Variants in B3GALT1 observed in about 807,000 individuals in gnomAD.
The protein encoded by B3GALT1 is beta-1,3-galactosyltransferase 1, also known as UDP-Gal:betaGlcNAc beta 1,3-galactosyltransferase, polypeptide 1.
Under a neutral mutation model 23.2 loss-of-function variants are expected in B3GALT1, and 10 were observed. The observed-to-expected ratio is 0.43, with a 90% confidence interval of 0.27 to 0.73. The LOEUF (loss-of-function observed/expected upper bound fraction) is 0.73. Among genes scored for constraint, B3GALT1 ranks in the 30% least tolerant of loss-of-function variants. The probability of loss-of-function intolerance (pLI) is 0.21; values close to 1 mark genes in which losing one functional copy is unlikely to be tolerated. For synonymous variants in B3GALT1, 156 were observed against 141.5 expected (o/e 1.10, Z -0.73); for missense variants, 299 against 405.4 (o/e 0.74, Z 2.25).
chr2:167,387,135 A>C (rs1200848727), intron 1 of B3GALT1, among the ~76,000 whole-genome samples: 2 of 152,222 alleles, frequency 1.3e-5, no homozygotes, highest in Admixed American at 1.3e-4. Flanking sequence ...AATTCTGCCA[A>C]GAGAGGGCAT....
At chr2:167,850,530 A>G (rs1310269596) in intron 4 of B3GALT1, among the ~76,000 whole-genome samples, 1 of 152,224 alleles carries the variant, frequency 6.6e-6, no homozygotes, top group Non-Finnish European at 1.5e-5. Context: ...TTGATCCAGC[A>G]ATTCTACTAC....
chr2:167,550,141 C>T (rs116684456), intron 2 of B3GALT1, among the ~76,000 whole-genome samples: 193 of 152,312 alleles, frequency 1.3e-3, no homozygotes, highest in African/African-American at 4.3e-3. Flanking sequence ...TCCTTCTCAT[C>T]TCTTTGCATT....
intron 4 of B3GALT1, among the ~76,000 whole-genome samples, chr2:167,824,592 C>T (rs1377729495): frequency 7.9e-5 from 12 of 152,216 alleles, no homozygotes; most frequent in Admixed American, 7.9e-4. Flanking sequence ...CCCTCCAGGG[C>T]TCATGGCTTG....
chr2:167,346,747 G>GT (rs1553513693), intron 1 of B3GALT1, among the ~76,000 whole-genome samples: 100 of 6,300 alleles, frequency 0.016, 1 homozygote, highest in East Asian at 0.073. Flanking sequence ...TGTGTGTGTG[G>GT]GGGGGGGGTG....
At chr2:167,385,465 A>G (rs1463012603) in intron 1 of B3GALT1, among the ~76,000 whole-genome samples, 3 of 151,798 alleles carry the variant, frequency 2.0e-5, no homozygotes, top group Non-Finnish European at 4.4e-5. Flanking sequence ...GCACTAATAG[A>G]GTACCCATTA....
chr2:167,640,719 G>A lies in B3GALT1; in HGVS notation c.-409-6190G>A, dbSNP rs188076756. ...CACTCTAAAAAATGAGGCATATTTC[G>A]CAGGAAAATTCTTGACTTCTGGCTT... On this transcript the variant is annotated intron_variant, in intron 2 of 4. Coordinates refer to ENST00000392690, the MANE Select transcript of B3GALT1 (RefSeq NM_020981.4). Among the ~76,000 whole-genome samples the A allele has an allele frequency of 5.3e-5, 8 of 152,084 alleles. No individual in the cohort carries two copies. In the South Asian group the frequency reaches 6.2e-4, roughly 12 times the overall value.
chr2:167,752,787 C>T (rs1054115508), intron 3 of B3GALT1, among the ~76,000 whole-genome samples: 1 of 152,200 alleles, frequency 6.6e-6, no homozygotes, highest in African/African-American at 2.4e-5. Context: ...CCTTTAGTCA[C>T]ATCACTCTTT....
At chr2:167,779,665 G>C (rs1688216212) in intron 3 of B3GALT1, among the ~76,000 whole-genome samples, 1 of 152,134 alleles carries the variant, frequency 6.6e-6, no homozygotes, top group Non-Finnish European at 1.5e-5. Context: ...GTAGGTACTG[G>C]TCATTTTATT....
At chr2:167,815,268 C>T (rs911035524) in intron 3 of B3GALT1, 5 of 152,218 alleles carry the variant, frequency 3.3e-5, no homozygotes, top group African/African-American at 1.2e-4. Context: ...AGTTCATGAT[C>T]ATTGAAAAAT....
At chr2:167,772,544 C>T (rs925417656) in intron 3 of B3GALT1, among the ~76,000 whole-genome samples, 2 of 152,148 alleles carry the variant, frequency 1.3e-5, no homozygotes, top group African/African-American at 4.8e-5. Context: ...CACCTTACCC[C>T]ACATGGTTTA....
intron 1 of B3GALT1, among the ~76,000 whole-genome samples, chr2:167,448,228 A>G (rs1478943763): frequency 3.3e-5 from 5 of 152,118 alleles, no homozygotes; most frequent in Non-Finnish European, 7.3e-5. Flanking sequence ...GTACTAGTTT[A>G]CATTCCTACC....
intron 2 of B3GALT1, among the ~76,000 whole-genome samples, chr2:167,565,737 G>C (rs1482056489): frequency 6.6e-6 from 1 of 152,126 alleles, no homozygotes; most frequent in South Asian, 2.1e-4. Context: ...GCAGCCAAAA[G>C]GCACATGAAA....
intron 3 of B3GALT1, among the ~76,000 whole-genome samples, chr2:167,722,585 T>TA (rs1308626852): frequency 2.6e-5 from 4 of 152,244 alleles, no homozygotes; most frequent in Non-Finnish European, 5.9e-5. Flanking sequence ...TGCGTATCCT[T>TA]AATACCACTG....
chr2:167,418,075 A>G (rs1366377943), intron 1 of B3GALT1, among the ~76,000 whole-genome samples: 5 of 152,198 alleles, frequency 3.3e-5, no homozygotes, highest in African/African-American at 4.8e-5. Flanking sequence ...TAGAGATTGC[A>G]TGTGACTTTT....
intron 1 of B3GALT1, among the ~76,000 whole-genome samples, chr2:167,339,689 C>T (rs1208113993): frequency 1.3e-5 from 2 of 151,740 alleles, no homozygotes; most frequent in Non-Finnish European, 2.9e-5. Flanking sequence ...GTTAGGTAAC[C>T]GAAATTGAAA....
At chr2:167,544,958 G>A (rs1246813564) in intron 2 of B3GALT1, among the ~76,000 whole-genome samples, 1 of 143,252 alleles carries the variant, frequency 7.0e-6, no homozygotes, top group African/African-American at 2.6e-5. Flanking sequence ...AAAGTAAAAT[G>A]AAAAAGAAAG....
At chr2:167,481,257 C>T (rs1315657519) in intron 1 of B3GALT1, among the ~76,000 whole-genome samples, 1 of 152,042 alleles carries the variant, frequency 6.6e-6, no homozygotes, top group African/African-American at 2.4e-5. Context: ...AAATTCTTCA[C>T]TTAGTTTAAT....
At chr2:167,562,830 G>C (rs1429047124) in intron 2 of B3GALT1, among the ~76,000 whole-genome samples, 1 of 151,928 alleles carries the variant, frequency 6.6e-6, no homozygotes, top group Non-Finnish European at 1.5e-5. Flanking sequence ...GGGTACTTGA[G>C]ATTAGGGAGT....
intron 1 of B3GALT1, among the ~76,000 whole-genome samples, chr2:167,293,887 A>G (rs1440659974): frequency 7.4e-6 from 1 of 134,880 alleles, no homozygotes; most frequent in East Asian, 2.4e-4. Context: ...GAGAGGGAAA[A>G]GTAACTGTTG....
Sources: allele counts gnomAD v4.1 joint callset (sites outside exome capture counted in the v4.1 genomes callset), GRCh38; gene constraint gnomAD v4.1.1; transcripts MANE v1.5; gene names NCBI Gene and HGNC (gene_info 2026-07-23, HGNC 2026-07-21).